Variants in SORCS3 observed in about 807,000 individuals in gnomAD.
SORCS3 encodes sortilin related VPS10 domain containing receptor 3, also known as VPS10 domain-containing receptor SorCS3.
In SORCS3, 57 loss-of-function variants were observed where a neutral mutation model predicts 146.3. The observed-to-expected ratio is 0.39, with a 90% CI of 0.31 to 0.49. The LOEUF (loss-of-function observed/expected upper bound fraction) is 0.49. Ranked by LOEUF, SORCS3 falls within the 20% of genes least tolerant of loss-of-function variation. The pLI is 0.92. For missense variants in SORCS3, 1,341 were observed against 1,575.5 expected (o/e 0.85, Z 2.52); for synonymous variants, 653 against 618.5 (o/e 1.06, Z -0.83).
intron 2 of SORCS3, among the ~76,000 whole-genome samples, chr10:104,912,012 T>C (rs1407696388): frequency 6.6e-6 from 1 of 152,232 alleles, no homozygotes; most frequent in Non-Finnish European, 1.5e-5. Context: ...CTCCTCTGCC[T>C]CTGATAAAAA....
At chr10:104,856,479 T>A (rs2018333425) in intron 2 of SORCS3, among the ~76,000 whole-genome samples, 2 of 122,578 alleles carry the variant, frequency 1.6e-5, no homozygotes, top group South Asian at 4.6e-4. Context: ...TATATATGCC[T>A]CTAATTGATT....
At chr10:104,699,812 C>T (rs1038070843) in intron 1 of SORCS3, among the ~76,000 whole-genome samples, 6 of 151,978 alleles carry the variant, frequency 3.9e-5, no homozygotes, top group African/African-American at 1.5e-4. Flanking sequence ...ATCATAGGAG[C>T]TAATAGATTT....
At chr10:104,958,443 T>C (rs904855322) in intron 3 of SORCS3, among the ~76,000 whole-genome samples, 1 of 152,140 alleles carries the variant, frequency 6.6e-6, no homozygotes, top group Non-Finnish European at 1.5e-5. Flanking sequence ...AAGTTCTAGA[T>C]TGAATTAAGA....
chr10:104,970,540 C>T (rs79263006), intron 3 of SORCS3, among the ~76,000 whole-genome samples: 5,506 of 152,234 alleles, frequency 0.036, 153 homozygotes, highest in East Asian at 0.14. Context: ...TGACCCGTTT[C>T]CCCTACCCCT....
intron 16 of SORCS3, among the ~76,000 whole-genome samples, chr10:105,203,223 A>G (rs1227555973): frequency 6.6e-6 from 1 of 152,216 alleles, no homozygotes; most frequent in East Asian, 1.9e-4. Flanking sequence ...AATGAGATAT[A>G]CTAAGTGTAA....
At chr10:104,707,562 T>G (rs2133436216) in intron 1 of SORCS3, among the ~76,000 whole-genome samples, 1 of 152,170 alleles carries the variant, frequency 6.6e-6, no homozygotes, top group South Asian at 2.1e-4. Flanking sequence ...ACAATGCAGG[T>G]TTGCATATAA....
intron 1 of SORCS3, among the ~76,000 whole-genome samples, chr10:104,764,343 A>G (rs2017156553): frequency 6.6e-6 from 1 of 152,196 alleles, no homozygotes; most frequent in Admixed American, 6.6e-5. Context: ...ATTTCTAGCC[A>G]GCTTCCAGGT....
chr10:104,818,360 TCTTC>T (rs34389949), intron 1 of SORCS3, among the ~76,000 whole-genome samples: 41,182 of 139,502 alleles, frequency 0.3, 6,735 homozygotes, highest in East Asian at 0.58. Context: ...TCTTCTCCTT[TCTTC>T]CTTCCTTCCT....
chr10:104,844,839 A>G (rs981716536), intron 2 of SORCS3, among the ~76,000 whole-genome samples: 1 of 152,184 alleles, frequency 6.6e-6, no homozygotes, highest in African/African-American at 2.4e-5. Context: ...CCTCATCTTG[A>G]GATCCTTAAC....
rs2018765502 is a variant in SORCS3 at position 104,893,138 on chromosome 10, A to G, written c.696-22695A>G. Among the ~76,000 whole-genome samples, 4 of 151,828 alleles carry G rather than the reference A, an allele frequency of 2.6e-5. No homozygotes were observed. The South Asian group carries it at 8.3e-4, about 32-fold the overall frequency. On this transcript the variant is annotated intron_variant, in intron 2 of 26. Coordinates refer to ENST00000369701, the MANE Select transcript of SORCS3 (RefSeq NM_014978.3). Reference sequence around the variant, plus strand: ...TTATTAGCACACTAGTTCATTGTCTACCTCCCACTCTAGATTGTGAGCTTC... The same window carrying G: ...TTATTAGCACACTAGTTCATTGTCTGCCTCCCACTCTAGATTGTGAGCTTC...
At chr10:104,658,000 A>G (rs997716437) in intron 1 of SORCS3, among the ~76,000 whole-genome samples, 1 of 152,190 alleles carries the variant, frequency 6.6e-6, no homozygotes, top group Non-Finnish European at 1.5e-5. Flanking sequence ...TTACTGTAAT[A>G]TTTTGTTGAA....
intron 3 of SORCS3, among the ~76,000 whole-genome samples, chr10:104,919,153 G>A (rs1286700354): frequency 6.6e-6 from 1 of 152,116 alleles, no homozygotes; most frequent in Non-Finnish European, 1.5e-5. Context: ...CCTTCCTCAT[G>A]GTGACATTCA....
Position 105,141,725 on chromosome 10 carries a change from G to A in SORCS3, c.1302+2239G>A, listed in dbSNP as rs565333556. Among the ~76,000 whole-genome samples, 7 of 152,236 alleles carry A rather than the reference G, an allele frequency of 4.6e-5. No individual in the cohort carries two copies. The East Asian group carries it at 1.4e-3, about 29-fold the overall frequency. On this transcript the variant is annotated intron_variant, in intron 8 of 26. Coordinates refer to ENST00000369701, the MANE Select transcript of SORCS3 (RefSeq NM_014978.3). ...AACTCAGTCCCTGGGCATCAGGTTG[G>A]TGCTCTTAGTCCAACAGGCATGAAA...
intron 3 of SORCS3, among the ~76,000 whole-genome samples, chr10:104,919,060 G>T (rs1430786747): frequency 6.6e-6 from 1 of 152,194 alleles, no homozygotes. Context: ...ACAAGGGATG[G>T]ATTAAGGCAG....
At chr10:104,739,377 C>G (rs576218545) in intron 1 of SORCS3, among the ~76,000 whole-genome samples, 2 of 152,268 alleles carry the variant, frequency 1.3e-5, no homozygotes, top group Non-Finnish European at 2.9e-5. Flanking sequence ...TAGAAGTTCA[C>G]CACCTCAGGG....
At chr10:105,180,710 AC>A (rs2056437784) in intron 14 of SORCS3, among the ~76,000 whole-genome samples, 1 of 151,748 alleles carries the variant, frequency 6.6e-6, no homozygotes, top group African/African-American at 2.4e-5. Context: ...TTTTTCTCCA[AC>A]CTCCCTGACC....
chr10:104,984,868 G>A (rs575102776), intron 4 of SORCS3, among the ~76,000 whole-genome samples: 20 of 152,198 alleles, frequency 1.3e-4, no homozygotes, highest in South Asian at 2.1e-4. Flanking sequence ...TCTAAAAAAT[G>A]TACATATCTC....
chr10:104,751,065 GAA>G (rs1400015034), intron 1 of SORCS3, among the ~76,000 whole-genome samples: 2 of 152,124 alleles, frequency 1.3e-5, no homozygotes, highest in Non-Finnish European at 2.9e-5. Flanking sequence ...CACACAGCAA[GAA>G]AGAGAGGGCA....
chr10:104,804,870 G>A (rs1039489897), intron 1 of SORCS3, among the ~76,000 whole-genome samples: 1 of 152,180 alleles, frequency 6.6e-6, no homozygotes, highest in South Asian at 2.1e-4. Flanking sequence ...AGCCTCCTGT[G>A]TGCCTTAGGA....
Sources: gnomAD v4.1 joint callset for allele counts (sites outside exome capture counted in the v4.1 genomes callset) on GRCh38, gnomAD v4.1.1 for gene constraint, MANE v1.5 for transcripts, NCBI Gene and HGNC (gene_info 2026-07-23, HGNC 2026-07-21) for gene names.